Variants in ARID5B observed in about 807,000 individuals in gnomAD.
The protein encoded by ARID5B is AT-rich interactive domain-containing protein 5B.
In ARID5B, 13 loss-of-function variants were observed where a neutral mutation model predicts 97.2. The ratio of observed to expected loss-of-function variants is 0.13; its 90% CI spans 0.09 to 0.21. The LOEUF (loss-of-function observed/expected upper bound fraction) is 0.21, where lower values mean the gene tolerates loss of function less well. Among genes scored for constraint, ARID5B ranks in the 10% least tolerant of loss-of-function variants. The pLI is 1.00. For missense variants in ARID5B, 1,210 were observed against 1,465.3 expected, an observed-to-expected ratio of 0.83 and a Z score of 2.84; for synonymous variants, 556 against 570.3, an observed-to-expected ratio of 0.97 and a Z score of 0.36.
At chr10:62,040,252 AG>A (rs1293513484) in intron 4 of ARID5B, among the ~76,000 whole-genome samples, 7 of 152,334 alleles carry the variant, frequency 4.6e-5, no homozygotes, top group South Asian at 4.1e-4. Context: ...AGGGCCATTT[AG>A]TAGCCTTGAG....
chr10:62,013,577 C>A (rs928894355), intron 4 of ARID5B, among the ~76,000 whole-genome samples: 7 of 151,872 alleles, frequency 4.6e-5, no homozygotes, highest in African/African-American at 1.7e-4. Flanking sequence ...CAACATCTCC[C>A]CAACTCCCCC....
intron 2 of ARID5B, among the ~76,000 whole-genome samples, chr10:61,932,000 A>G (rs1040968000): frequency 2.0e-5 from 3 of 152,150 alleles, no homozygotes; most frequent in Non-Finnish European, 2.9e-5. Context: ...TCTGTCTCCA[A>G]GGTGTTTACT....
chr10:61,925,869 C>T (rs539214620), intron 2 of ARID5B, among the ~76,000 whole-genome samples: 2 of 152,234 alleles, frequency 1.3e-5, no homozygotes, highest in East Asian at 1.9e-4. Context: ...AGGATGGTCG[C>T]GTTACATTTA....
At chr10:61,999,762 T>C (rs1839051397) in intron 3 of ARID5B, among the ~76,000 whole-genome samples, 1 of 152,200 alleles carries the variant, frequency 6.6e-6, no homozygotes, top group African/African-American at 2.4e-5. Context: ...AGGATGACTT[T>C]AATGCTTCAA....
chr10:62,074,757 C>T (rs770197666), intron 8 of ARID5B, among the ~76,000 whole-genome samples: 5 of 152,114 alleles, frequency 3.3e-5, no homozygotes, highest in Non-Finnish European at 7.4e-5. Flanking sequence ...TTAAGAGGAC[C>T]CCTAGCAACT....
At position 61,921,260 on chromosome 10, in the gene ARID5B, T is replaced by C. The variant is rs140935200; in HGVS notation, c.276+18847T>C. 3.9e-5 allele frequency among the ~76,000 whole-genome samples: 6 copies of C among 152,372 alleles called. No homozygotes were observed. In the East Asian group the frequency reaches 1.2e-3, roughly 29 times the overall value. ...CCACAGTTTCTGTGGGTGGCAAGTC[T>C]GAGTAAGGCTTAGCTGGGTGCCTCT... is the stretch of plus-strand genomic sequence containing the variant. On this transcript the variant is annotated intron_variant, in intron 2 of 9. Transcript: ENST00000279873.
At chr10:62,052,160 C>T (rs1420128466) in intron 5 of ARID5B, among the ~76,000 whole-genome samples, 1 of 152,184 alleles carries the variant, frequency 6.6e-6, no homozygotes, top group Admixed American at 6.6e-5. Flanking sequence ...TGTGTATTTT[C>T]CAGTTTCTTG....
At chr10:62,078,993 C>G (rs1589288409) in intron 8 of ARID5B, among the ~76,000 whole-genome samples, 1 of 152,302 alleles carries the variant, frequency 6.6e-6, no homozygotes, top group East Asian at 1.9e-4. Context: ...GCCCAGTGCC[C>G]AAGCCATAGG....
chr10:62,089,135 C>T (rs561786504), intron 9 of ARID5B, among the ~76,000 whole-genome samples: 6 of 152,094 alleles, frequency 3.9e-5, no homozygotes, highest in African/African-American at 1.4e-4. Context: ...TGCCTTTTTC[C>T]CTTGCCATAC....
At chr10:61,957,331 C>A (rs902860465) in intron 3 of ARID5B, among the ~76,000 whole-genome samples, 2 of 152,042 alleles carry the variant, frequency 1.3e-5, no homozygotes, top group Non-Finnish European at 2.9e-5. Flanking sequence ...TGCAGTGGTG[C>A]GATCTCGGCT....
At chr10:61,950,407 G>A (rs143509920) in intron 3 of ARID5B, among the ~76,000 whole-genome samples, 2 of 152,318 alleles carry the variant, frequency 1.3e-5, no homozygotes, top group East Asian at 1.9e-4. Flanking sequence ...AGTGGCTCAC[G>A]CCTATAACCC....
At chr10:61,968,982 G>A (rs1838586459) in intron 3 of ARID5B, among the ~76,000 whole-genome samples, 4 of 152,092 alleles carry the variant, frequency 2.6e-5, no homozygotes, top group African/African-American at 9.7e-5. Context: ...AGCATTTTCT[G>A]TAAAACAAGA....
intron 4 of ARID5B, among the ~76,000 whole-genome samples, chr10:62,044,336 G>T (rs1839678023): frequency 6.6e-6 from 1 of 150,632 alleles, no homozygotes; most frequent in Non-Finnish European, 1.5e-5. Flanking sequence ...TTTAAATCTG[G>T]CTCTAGAATT....
chr10:61,988,367 T>A (rs762041593), intron 3 of ARID5B, among the ~76,000 whole-genome samples: 4 of 152,234 alleles, frequency 2.6e-5, no homozygotes, highest in Admixed American at 6.5e-5. Context: ...AACCTGTAGC[T>A]GGTTACAGCA....
intron 8 of ARID5B, among the ~76,000 whole-genome samples, chr10:62,077,532 A>C (rs1033325104): frequency 1.9e-4 from 13 of 69,382 alleles, no homozygotes; most frequent in African/African-American, 3.2e-4. Flanking sequence ...ACCCCCCCCA[A>C]AAAAAAAGCT....
At chr10:61,903,027 G>T (rs1290090368) in intron 2 of ARID5B, among the ~76,000 whole-genome samples, 1 of 152,066 alleles carries the variant, frequency 6.6e-6, no homozygotes, top group Non-Finnish European at 1.5e-5. Flanking sequence ...TCAAAGCGGT[G>T]GTGTAACAGG....
intron 4 of ARID5B, among the ~76,000 whole-genome samples, chr10:62,032,035 G>T (rs1839503229): frequency 6.6e-6 from 1 of 152,180 alleles, no homozygotes; most frequent in South Asian, 2.1e-4. Context: ...TTCAAAATCA[G>T]TGAAAATGTA....
chr10:61,980,220 C>T (rs1195528111), intron 3 of ARID5B, among the ~76,000 whole-genome samples: 18 of 152,198 alleles, frequency 1.2e-4, no homozygotes, highest in Admixed American at 1.2e-3. Context: ...GGCAAAGTGC[C>T]TAGAGGCTAA....
chr10:61,917,357 C>T (rs376770358), intron 2 of ARID5B, among the ~76,000 whole-genome samples: 51 of 152,170 alleles, frequency 3.4e-4, no homozygotes, highest in Non-Finnish European at 6.0e-4. Context: ...GACAGAGTCT[C>T]GCTCTGTCGC....
Sources: allele counts gnomAD v4.1 joint callset (sites outside exome capture counted in the v4.1 genomes callset), GRCh38; gene constraint gnomAD v4.1.1; transcripts MANE v1.5; gene names NCBI Gene and HGNC (gene_info 2026-07-23, HGNC 2026-07-21).